Variants in SLC25A13 observed in about 807,000 individuals in gnomAD.
The protein encoded by SLC25A13 is solute carrier family 25 member 13.
Under a neutral mutation model 85.5 loss-of-function variants are expected in SLC25A13, and 70 were observed. The observed-to-expected ratio is 0.82, with a 90% CI of 0.68 to 1.00. The LOEUF is 1.00. SLC25A13 is among the 50% of genes least tolerant of loss of function. The probability of loss-of-function intolerance (pLI) is 0.00; values close to 1 mark genes in which losing one functional copy is unlikely to be tolerated. For missense variants in SLC25A13, 765 were observed against 819.8 expected (o/e 0.93, Z 0.82); for synonymous variants, 259 against 288.7 (o/e 0.90, Z 1.04).
Position 96,121,351 on chromosome 7 carries a change from G to A in SLC25A13, c.1868C>T (p.Pro623Leu), listed in dbSNP as rs1277395174. The change falls in exon 18 of 18, where the codon CCT (proline) becomes CTT (leucine). Residue 623 changes from proline (P) to leucine (L), a missense_variant. Coordinates refer to ENST00000265631, the MANE Select transcript of SLC25A13 (RefSeq NM_014251.3). ...GGCAGGCAGGTTGATCCTGGATTTA[G>A]GAACTGGCTCTGATCCCATGGGTTT... ...GVKPMGSEPV[P>L]KSRINLPAPN... 1 of 1,614,178 alleles carries A rather than the reference G, an allele frequency of 6.2e-7. No individual in the cohort carries two copies. Among genetic ancestry groups the A allele is most frequent in the East Asian group, 2.2e-5 (1 of 44,880 alleles).
intron 3 of SLC25A13, among the ~76,000 whole-genome samples, chr7:96,241,804 G>A (rs564806957): frequency 2.6e-5 from 4 of 152,268 alleles, no homozygotes; most frequent in South Asian, 4.1e-4. Context: ...GAGATTTGGG[G>A]AGAGGAAGAC....
chr7:96,196,311 A>G lies in SLC25A13; in HGVS notation c.469-3128T>C, dbSNP rs528298483. 3.3e-5 allele frequency among the ~76,000 whole-genome samples: 5 copies of G among 152,362 alleles called. No individual in the cohort carries two copies. The South Asian group carries it at 8.3e-4, about 25-fold the overall frequency. On this transcript the variant is annotated intron_variant, in intron 5 of 17. Transcript: ENST00000265631. ...AGCCAAGACTACTCTCAACAATAGT[A>G]GAAGGTATGTTCAGCGATTTACCAT... is the stretch of plus-strand genomic sequence containing the variant.
chr7:96,211,546 C>T (rs573852509), intron 4 of SLC25A13, among the ~76,000 whole-genome samples: 8 of 152,176 alleles, frequency 5.3e-5, no homozygotes, highest in East Asian at 1.9e-4. Context: ...ATTTATTGCA[C>T]GTCTTTTATT....
intron 3 of SLC25A13, among the ~76,000 whole-genome samples, chr7:96,254,288 TA>T (rs1453175071): frequency 6.6e-6 from 1 of 152,152 alleles, no homozygotes; most frequent in African/African-American, 2.4e-5. Flanking sequence ...GAGAAAGGGA[TA>T]ACTTGCTTTC....
intron 8 of SLC25A13, 94 bp downstream of exon 8, chr7:96,189,487 T>C: frequency 6.6e-6 from 10 of 1,522,460 alleles, no homozygotes; most frequent in Non-Finnish European, 9.1e-6. Context: ...AGTATAGCCT[T>C]CAGTTTGGCT....
chr7:96,185,725 C>T (rs766565164), intron 9 of SLC25A13, among the ~76,000 whole-genome samples: 49 of 151,728 alleles, frequency 3.2e-4, no homozygotes, highest in Non-Finnish European at 3.8e-4. Context: ...CCCGTCTCTA[C>T]TAAAAATACA....
At chr7:96,243,454 T>C (rs1417329761) in intron 3 of SLC25A13, among the ~76,000 whole-genome samples, 1 of 152,096 alleles carries the variant, frequency 6.6e-6, no homozygotes, top group Non-Finnish European at 1.5e-5. Context: ...AACCACTGCA[T>C]AGGGTAAAAT....
chr7:96,177,463 G>A (rs1020211937), intron 11 of SLC25A13, among the ~76,000 whole-genome samples: 4 of 152,208 alleles, frequency 2.6e-5, no homozygotes, highest in African/African-American at 4.8e-5. Context: ...TTAGGAACAC[G>A]AGGTCTGGAG....
chr7:96,223,267 A>G (rs1424710956), intron 4 of SLC25A13, among the ~76,000 whole-genome samples: 1 of 152,282 alleles, frequency 6.6e-6, no homozygotes, highest in Non-Finnish European at 1.5e-5. Flanking sequence ...AAATTGGGTT[A>G]CATTCAGGTA....
chr7:96,128,436 A>G (rs1791821887), intron 15 of SLC25A13, among the ~76,000 whole-genome samples: 1 of 152,200 alleles, frequency 6.6e-6, no homozygotes, highest in African/African-American at 2.4e-5. Context: ...TTAAATTAAG[A>G]AAGTAGCTTA....
intron 15 of SLC25A13, among the ~76,000 whole-genome samples, chr7:96,122,229 T>G (rs370782133): frequency 5.3e-5 from 8 of 152,310 alleles, no homozygotes; most frequent in Admixed American, 3.9e-4. Flanking sequence ...CACTCAGCCT[T>G]CATTTCCTTT....
chr7:96,170,528 A>T (rs1283159808), intron 12 of SLC25A13, among the ~76,000 whole-genome samples: 2 of 152,212 alleles, frequency 1.3e-5, no homozygotes, highest in African/African-American at 4.8e-5. Context: ...CTAAAACAGT[A>T]CTCATCATGG....
rs745685828 is a variant in SLC25A13 at position 96,121,058 on chromosome 7, T to C, written c.*133A>G. The C allele has an allele frequency of 1.2e-5, 11 of 955,710 alleles. No homozygotes were observed. The highest frequency in any genetic ancestry group is 1.8e-5 in the Non-Finnish European group (11 of 603,724). The allele number at this position is 955,710 out of a possible 1,614,324, so 59.2% of individuals were successfully genotyped here. A position where few individuals can be genotyped will look rare whatever the true frequency, so the allele number is the denominator to read the frequency against. The stretch of plus-strand genomic sequence containing the variant: ...CACCCAGAAAATGAATGATTTCACA[T>C]GATAAAAAAGCCTGGACTTGAATTT... On this transcript the variant is annotated 3_prime_UTR_variant, in exon 18 of 18. Transcript: ENST00000265631.
chr7:96,138,386 TTTTTTC>T (rs1316020357), intron 14 of SLC25A13, among the ~76,000 whole-genome samples: 1 of 151,960 alleles, frequency 6.6e-6, no homozygotes, highest in Non-Finnish European at 1.5e-5. Flanking sequence ...TTTGTTGCAT[TTTTTTC>T]TTTTTCTTTT....
At chr7:96,250,038 C>A (rs1453575860) in intron 3 of SLC25A13, among the ~76,000 whole-genome samples, 1 of 152,008 alleles carries the variant, frequency 6.6e-6, no homozygotes. Context: ...TAAAAATTAG[C>A]CAGGTGTGGT....
At chr7:96,233,307 A>G (rs1422883449) in intron 4 of SLC25A13, among the ~76,000 whole-genome samples, 2 of 152,192 alleles carry the variant, frequency 1.3e-5, no homozygotes, top group Non-Finnish European at 2.9e-5. Flanking sequence ...CAATAACACC[A>G]TGAGCTAGCT....
At chr7:96,193,310 G>T in intron 5 of SLC25A13, 127 bp from the exon 6 acceptor site, 2 of 1,110,946 alleles carry the variant, frequency 1.8e-6, no homozygotes, top group Non-Finnish European at 2.6e-6. Flanking sequence ...GCCCTCATCT[G>T]CCTAATAGCA....
rs573273200 is a variant in SLC25A13 at position 96,197,879 on chromosome 7, T to A, written c.469-4696A>T. On this transcript the variant is annotated intron_variant, in intron 5 of 17. Coordinates refer to ENST00000265631, the MANE Select transcript of SLC25A13 (RefSeq NM_014251.3). ...CTATCAAGTAAAAAAAATATTAGGC[T>A]GCCCCTCTATTTCTTTTGAAAAAAT... Among the ~76,000 whole-genome samples the A allele has an allele frequency of 3.3e-5, 5 of 152,294 alleles. No homozygotes were observed. In the East Asian group the frequency reaches 9.6e-4, roughly 29 times the overall value.
intron 11 of SLC25A13, among the ~76,000 whole-genome samples, chr7:96,173,270 A>G (rs1794083271): frequency 6.6e-6 from 1 of 152,238 alleles, no homozygotes; most frequent in Admixed American, 6.5e-5. Flanking sequence ...CACGTTTATT[A>G]CGTGCCAGGT....
Sources: gnomAD v4.1 joint callset for allele counts (sites outside exome capture counted in the v4.1 genomes callset) on GRCh38, gnomAD v4.1.1 for gene constraint, MANE v1.5 for transcripts, NCBI Gene and HGNC (gene_info 2026-07-23, HGNC 2026-07-21) for gene names.